Variants in CCDC91 observed in about 807,000 individuals in gnomAD.
CCDC91 encodes coiled-coil domain-containing protein 91.
In CCDC91, 48 loss-of-function variants were observed where a neutral mutation model predicts 63.2. That is an observed-to-expected ratio of 0.76 (90% CI 0.60 to 0.97). The LOEUF (loss-of-function observed/expected upper bound fraction) is 0.97. CCDC91 is among the 50% of genes least tolerant of loss of function. The probability of loss-of-function intolerance (pLI) is 0.00; values close to 1 mark genes in which losing one functional copy is unlikely to be tolerated. For missense variants in CCDC91, 500 were observed against 494.6 expected, an observed-to-expected ratio of 1.01 and a Z score of -0.10; for synonymous variants, 167 against 165.8, an observed-to-expected ratio of 1.01 and a Z score of -0.06.
intron 11 of CCDC91, among the ~76,000 whole-genome samples, chr12:28,453,156 A>T (rs1410600407): frequency 6.6e-6 from 1 of 152,012 alleles, no homozygotes; most frequent in Non-Finnish European, 1.5e-5. Context: ...AAGATACATA[A>T]TGATCAACAG....
At chr12:28,369,517 T>C (rs1459935855) in intron 7 of CCDC91, among the ~76,000 whole-genome samples, 1 of 152,192 alleles carries the variant, frequency 6.6e-6, no homozygotes, top group Non-Finnish European at 1.5e-5. Context: ...TTTTCAGGCA[T>C]ACAGTGCAAA....
chr12:28,512,088 A>T (rs1183629740), intron 12 of CCDC91, among the ~76,000 whole-genome samples: 1 of 151,580 alleles, frequency 6.6e-6, no homozygotes, highest in Non-Finnish European at 1.5e-5. Context: ...AATTCCAACC[A>T]CTTTTGCCTA....
chr12:28,520,670 G>A (rs1221793902), intron 12 of CCDC91, among the ~76,000 whole-genome samples: 1 of 152,168 alleles, frequency 6.6e-6, no homozygotes, highest in Non-Finnish European at 1.5e-5. Flanking sequence ...GAATGCTATT[G>A]TCTAGATTTT....
intron 8 of CCDC91, among the ~76,000 whole-genome samples, chr12:28,443,139 T>TTCC (rs1555214488): frequency 4.1e-3 from 1 of 246 alleles, no homozygotes; most frequent in Non-Finnish European, 8.3e-3. Context: ...TTTGAATTTT[T>TTCC]TTCCCAGGTC....
At chr12:28,322,332 T>C (rs1278068990) in intron 6 of CCDC91, among the ~76,000 whole-genome samples, 1 of 151,866 alleles carries the variant, frequency 6.6e-6, no homozygotes, top group South Asian at 2.1e-4. Flanking sequence ...CTTTACTGCA[T>C]AGGAATTTGT....
chr12:28,391,255 A>AT lies in CCDC91; in HGVS notation c.655-47dup, dbSNP rs764950102. 6 of 1,090,210 alleles carry AT rather than the reference A, an allele frequency of 5.5e-6. No homozygotes were observed. In the Admixed American group the frequency reaches 1.0e-4, roughly 19 times the overall value. The allele number at this position is 1,090,210 out of a possible 1,614,324, so 67.5% of individuals were successfully genotyped here. A position where few individuals can be genotyped will look rare whatever the true frequency, so the allele number is the denominator to read the frequency against. On this transcript the variant is annotated intron_variant, in intron 7 of 12. Coordinates refer to ENST00000536442, the MANE Select transcript of CCDC91 (RefSeq NM_018318.5). ...AAAAATATTCTCGTGCCAACAGTAG[A>AT]TTCCCAAGTTTTGTCTGTGATCCAA...
chr12:28,291,334 A>G (rs1475130924), intron 3 of CCDC91, among the ~76,000 whole-genome samples: 1 of 152,222 alleles, frequency 6.6e-6, no homozygotes, highest in Non-Finnish European at 1.5e-5. Flanking sequence ...TCATGGCTCA[A>G]TTCGTTCAAC....
At chr12:28,434,967 A>G (rs533609290) in intron 8 of CCDC91, among the ~76,000 whole-genome samples, 99 of 151,816 alleles carry the variant, frequency 6.5e-4, no homozygotes, top group Admixed American at 1.2e-3. Flanking sequence ...TCCCTGGGAT[A>G]TGCAATGATA....
At chr12:28,441,113 A>G (rs1377469362) in intron 8 of CCDC91, among the ~76,000 whole-genome samples, 3 of 149,828 alleles carry the variant, frequency 2.0e-5, no homozygotes, top group Non-Finnish European at 4.5e-5. Context: ...CTTAGAAAAT[A>G]TAAGAATGGC....
chr12:28,461,840 T>C (rs1296087699), intron 11 of CCDC91, among the ~76,000 whole-genome samples: 1 of 152,064 alleles, frequency 6.6e-6, no homozygotes, highest in Admixed American at 6.6e-5. Flanking sequence ...TGGAACATAG[T>C]ATGTGTTGTT....
intron 6 of CCDC91, among the ~76,000 whole-genome samples, chr12:28,311,176 C>T (rs1371133232): frequency 6.6e-6 from 1 of 151,990 alleles, no homozygotes; most frequent in Non-Finnish European, 1.5e-5. Context: ...TACTGCCTTA[C>T]TCCTGAGATA....
chr12:28,523,088 G>T (rs1940892901), intron 12 of CCDC91, among the ~76,000 whole-genome samples: 1 of 152,126 alleles, frequency 6.6e-6, no homozygotes, highest in Non-Finnish European at 1.5e-5. Flanking sequence ...TATCTATTAG[G>T]TCCGCCTGGT....
At chr12:28,275,636 C>T (rs1400612854) in intron 3 of CCDC91, among the ~76,000 whole-genome samples, 2 of 152,098 alleles carry the variant, frequency 1.3e-5, no homozygotes, top group Non-Finnish European at 2.9e-5. Context: ...CCAGCATCAT[C>T]CTGATACCAA....
In CCDC91 at chr12:28,214,736, A is replaced by G. The variant is rs202086269; in HGVS notation, c.-15+24095A>G. ...TCAAGGGAAATAGAAATGTCATTCAAAATCTTTACTTCCTCTTCTTGGAAA... is the reference window on the plus strand; with the variant it reads ...TCAAGGGAAATAGAAATGTCATTCAGAATCTTTACTTCCTCTTCTTGGAAA... On this transcript the variant is annotated intron_variant, in intron 1 of 12. Coordinates refer to ENST00000536442, the MANE Select transcript of CCDC91 (RefSeq NM_018318.5). Among the ~76,000 whole-genome samples the G allele has an allele frequency of 2.0e-5, 3 of 152,160 alleles. No homozygotes were observed. In the East Asian group the frequency reaches 5.8e-4, roughly 29 times the overall value.
At chr12:28,272,034 G>T (rs1221502423) in intron 3 of CCDC91, among the ~76,000 whole-genome samples, 5 of 151,494 alleles carry the variant, frequency 3.3e-5, no homozygotes, top group Non-Finnish European at 5.9e-5. Flanking sequence ...TATTTCTTTG[G>T]TCTGCACAAC....
intron 6 of CCDC91, among the ~76,000 whole-genome samples, chr12:28,328,679 A>T (rs1241236669): frequency 6.6e-6 from 1 of 152,192 alleles, no homozygotes; most frequent in South Asian, 2.1e-4. Context: ...TCCTCTGTCC[A>T]TAATGATGTT....
intron 11 of CCDC91, among the ~76,000 whole-genome samples, chr12:28,460,265 C>T (rs796517460): frequency 2.2e-4 from 34 of 152,164 alleles, no homozygotes; most frequent in African/African-American, 7.0e-4. Context: ...ACATTGTTTG[C>T]GTACTAGATG....
At chr12:28,461,596 A>G (rs1197860193) in intron 11 of CCDC91, among the ~76,000 whole-genome samples, 1 of 152,058 alleles carries the variant, frequency 6.6e-6, no homozygotes, top group African/African-American at 2.4e-5. Context: ...CAGGGTATAC[A>G]TGCCTCTCAA....
chr12:28,235,186 T>C (rs1592063706), intron 1 of CCDC91, among the ~76,000 whole-genome samples: 1 of 151,974 alleles, frequency 6.6e-6, no homozygotes, highest in African/African-American at 2.4e-5. Flanking sequence ...GCCCAGAAAA[T>C]GGCACATATC....
Sources: allele counts gnomAD v4.1 joint callset (sites outside exome capture counted in the v4.1 genomes callset), GRCh38; gene constraint gnomAD v4.1.1; transcripts MANE v1.5; gene names NCBI Gene and HGNC (gene_info 2026-07-23, HGNC 2026-07-21).